The following LTBP1 variants were observed in gnomAD, a reference collection of about 807,000 sequenced individuals.
The protein encoded by LTBP1 is latent-transforming growth factor beta-binding protein 1.
LTBP1 carries 129 observed loss-of-function variants against 207.6 expected under a neutral mutation model. That is an observed-to-expected ratio of 0.62 (90% confidence interval 0.54 to 0.72). LTBP1 has a LOEUF of 0.72. Among genes scored for constraint, LTBP1 ranks in the 30% least tolerant of loss-of-function variants. LTBP1 has a pLI of 0.00. For missense variants in LTBP1, 2,281 were observed against 2,217.2 expected (o/e 1.03, Z -0.58); for synonymous variants, 963 against 833.7 (o/e 1.16, Z -2.67).
At chr2:33,191,627 G>C (rs564968352) in intron 7 of LTBP1, among the ~76,000 whole-genome samples, 4 of 152,176 alleles carry the variant, frequency 2.6e-5, no homozygotes, top group Non-Finnish European at 5.9e-5. Context: ...TCCTACAAAG[G>C]ATTTTGAAAA....
intron 3 of LTBP1, among the ~76,000 whole-genome samples, chr2:33,074,762 C>T (rs1317526496): frequency 2.0e-5 from 3 of 151,118 alleles, no homozygotes; most frequent in South Asian, 2.1e-4. Context: ...CCCTGCTAGT[C>T]GGGAGGCTGA....
At position 33,028,298 on chromosome 2, in the gene LTBP1, T is replaced by C. The variant is rs114627707; in HGVS notation, c.863+7092T>C. On this transcript the variant is annotated intron_variant, in intron 3 of 33. Coordinates refer to ENST00000404816, the MANE Select transcript of LTBP1 (RefSeq NM_206943.4). ...ATGTTTTGGTGCTATGTAATAATAA[T>C]AGTTAATATGACCAATTATTCTGTG... is the stretch of plus-strand genomic sequence containing the variant. Among the ~76,000 whole-genome samples, 1,073 of 152,314 alleles carry C rather than the reference T, an allele frequency of 7.0e-3. 10 individuals carry two copies. The highest frequency in any genetic ancestry group is 0.024 in the African/African-American group (1,015 of 41,578).
chr2:33,350,977 A>G (rs1467585192), intron 26 of LTBP1, among the ~76,000 whole-genome samples: 1 of 152,204 alleles, frequency 6.6e-6, no homozygotes, highest in Non-Finnish European at 1.5e-5. Context: ...AAAGAATACA[A>G]TGAAAAATAT....
chr2:33,387,842 G>C (rs1009793668), intron 31 of LTBP1, among the ~76,000 whole-genome samples: 2 of 152,070 alleles, frequency 1.3e-5, no homozygotes, highest in African/African-American at 4.8e-5. Flanking sequence ...GGCAAGTGTG[G>C]CCATTGCCTT....
rs999783115 is a variant in LTBP1, at chr2:33,360,530, C to A, written c.4001-67C>A. The stretch of plus-strand genomic sequence containing the variant: ...CGGTCACTCTTTCCCCCATTGCATT[C>A]TCTACTTGTTGTCTTAGGTAGTTCT... On this transcript the variant is annotated intron_variant, in intron 26 of 33. Coordinates refer to ENST00000404816, the MANE Select transcript of LTBP1 (RefSeq NM_206943.4). The A allele has an allele frequency of 1.5e-5, 15 of 1,017,556 alleles. No homozygotes were observed. The African/African-American group carries it at 2.2e-4, about 15-fold the overall frequency. The allele number at this position is 1,017,556 out of a possible 1,614,324, so 63.0% of individuals were successfully genotyped here.
At chr2:33,057,953 C>T (rs941829434) in intron 3 of LTBP1, among the ~76,000 whole-genome samples, 4 of 152,234 alleles carry the variant, frequency 2.6e-5, no homozygotes, top group Non-Finnish European at 2.9e-5. Flanking sequence ...CAAGAGCGAG[C>T]GAGGGCTGCG....
intron 24 of LTBP1, among the ~76,000 whole-genome samples, chr2:33,336,057 A>G (rs563260979): frequency 6.6e-6 from 1 of 152,158 alleles, no homozygotes; most frequent in African/African-American, 2.4e-5. Context: ...TATCCTCTTC[A>G]TGGCCCACAG....
rs1219090415 is a variant in LTBP1, at chr2:33,082,448, T to A, written c.864-28134T>A. On this transcript the variant is annotated intron_variant, in intron 3 of 33. Transcript: ENST00000404816. Reference sequence around the variant, plus strand: ...TATGACTCACTTTTTTTTTTTTTTTTTTTTTTTTTTTTTTTTTTGAGAAGG... The same window carrying A: ...TATGACTCACTTTTTTTTTTTTTTTATTTTTTTTTTTTTTTTTTGAGAAGG... Among the ~76,000 whole-genome samples, 15 of 134,486 alleles carry A rather than the reference T, an allele frequency of 1.1e-4. No individual in the cohort carries two copies. The South Asian group carries it at 1.3e-3, about 12-fold the overall frequency. 88.2% of individuals were successfully genotyped at this position (134,486 alleles called of 152,430 possible).
chr2:33,035,081 C>T (rs189664451), intron 3 of LTBP1, among the ~76,000 whole-genome samples: 12 of 152,294 alleles, frequency 7.9e-5, no homozygotes, highest in Admixed American at 7.8e-4. Flanking sequence ...CCGTAGCCGA[C>T]CCTTGGTTCC....
intron 13 of LTBP1, among the ~76,000 whole-genome samples, 182 bp from the exon 14 acceptor site, chr2:33,262,540 C>CT (rs369761322): frequency 0.14 from 13,344 of 98,506 alleles, 907 homozygotes; most frequent in Admixed American, 0.22. Context: ...ATCAAAGGTT[C>CT]TTTTTTTTTT....
chr2:33,311,778 A>G (rs17012822), intron 23 of LTBP1, among the ~76,000 whole-genome samples: 5,191 of 152,210 alleles, frequency 0.034, 312 homozygotes, highest in African/African-American at 0.12. Flanking sequence ...CATTCTCTCA[A>G]TATATTAAAT....
At chr2:33,234,424 A>G (rs116664843) in intron 9 of LTBP1, among the ~76,000 whole-genome samples, 2,762 of 152,272 alleles carry the variant, frequency 0.018, 37 homozygotes, top group Admixed American at 0.026. Flanking sequence ...CCTATACACC[A>G]ATAATAGACA....
At chr2:33,222,807 G>GATT (rs2149439205) in intron 9 of LTBP1, among the ~76,000 whole-genome samples, 1 of 152,284 alleles carries the variant, frequency 6.6e-6, no homozygotes, top group South Asian at 2.1e-4. Flanking sequence ...ATAGAGCTGA[G>GATT]ATTATAACTT....
intron 7 of LTBP1, among the ~76,000 whole-genome samples, chr2:33,193,698 A>G (rs973198012): frequency 1.3e-5 from 2 of 152,140 alleles, no homozygotes; most frequent in Non-Finnish European, 2.9e-5. Context: ...AGACCTTTTC[A>G]TTGTTGTATC....
chr2:33,264,255 CAAAAAAAAAA>C (rs33981203), intron 15 of LTBP1, among the ~76,000 whole-genome samples: 2 of 91,232 alleles, frequency 2.2e-5, no homozygotes, highest in Admixed American at 1.1e-4. Flanking sequence ...GACTCTGTCT[CAAAAAAAAAA>C]AAAAAAAAAG....
At chr2:33,297,172 A>G (rs1164115795) in intron 20 of LTBP1, among the ~76,000 whole-genome samples, 3 of 152,064 alleles carry the variant, frequency 2.0e-5, no homozygotes, top group South Asian at 2.1e-4. Context: ...AGAAAGGGCT[A>G]TTACTTCCAC....
intron 26 of LTBP1, 104 bp downstream of exon 26, chr2:33,347,614 G>C: frequency 7.3e-7 from 1 of 1,376,994 alleles, no homozygotes; most frequent in Non-Finnish European, 1.0e-6. Flanking sequence ...GAAGCAGCCA[G>C]ATGTCCTGAC....
At chr2:33,362,833 T>C (rs1319908093) in intron 28 of LTBP1, among the ~76,000 whole-genome samples, 1 of 152,204 alleles carries the variant, frequency 6.6e-6, no homozygotes, top group Non-Finnish European at 1.5e-5. Flanking sequence ...TCCTCTCTTA[T>C]TAGGTAGATG....
At chr2:33,384,075 C>T (rs2095245016) in intron 31 of LTBP1, among the ~76,000 whole-genome samples, 1 of 152,186 alleles carries the variant, frequency 6.6e-6, no homozygotes, top group African/African-American at 2.4e-5. Context: ...GTCCAGACTG[C>T]CCTGCACATG....
Sources: gnomAD v4.1 joint callset for allele counts (sites outside exome capture counted in the v4.1 genomes callset) on GRCh38, gnomAD v4.1.1 for gene constraint, MANE v1.5 for transcripts, NCBI Gene and HGNC (gene_info 2026-07-23, HGNC 2026-07-21) for gene names.